RAB4A: variants seen among roughly 807,000 people sequenced by gnomAD.
RAB4A encodes the protein RAB4A, member RAS oncogene family, also known as ras-related protein Rab-4A.
A neutral mutation model predicts 34.5 loss-of-function variants in RAB4A; 20 were observed. That is an observed-to-expected ratio of 0.58 (90% CI 0.41 to 0.84). The LOEUF (loss-of-function observed/expected upper bound fraction) is 0.84. Among genes scored for constraint, RAB4A ranks in the 40% least tolerant of loss-of-function variants. The pLI, the probability that RAB4A is intolerant of heterozygous loss-of-function variation, is 0.00. For missense variants in RAB4A, 228 were observed against 274.5 expected, an observed-to-expected ratio of 0.83 and a Z score of 1.20; for synonymous variants, 102 against 100.0, an observed-to-expected ratio of 1.02 and a Z score of -0.12.
chr1:229,302,154 G>T (rs1571837751), intron 6 of RAB4A, among the ~76,000 whole-genome samples: 1 of 149,040 alleles, frequency 6.7e-6, no homozygotes. Flanking sequence ...TTTGGATAAG[G>T]ACCGCTCAAC....
intron 3 of RAB4A, among the ~76,000 whole-genome samples, chr1:229,293,378 G>T (rs533525105): frequency 2.0e-5 from 3 of 152,192 alleles, no homozygotes; most frequent in Non-Finnish European, 2.9e-5. Flanking sequence ...TCCTCACTCG[G>T]TGAGGGCTCC....
rs1216303272 is a variant in RAB4A at position 229,304,130 on chromosome 1, G to A, written c.*337G>A. On this transcript the variant is annotated 3_prime_UTR_variant, in exon 8 of 8. Transcript: ENST00000366690. ...TCTGATGTATGATATGATAGAATGT[G>A]GCACTAAATGCAGTTTCAGATTTTA... is the stretch of plus-strand genomic sequence containing the variant. 1 of 152,066 alleles carries A rather than the reference G, an allele frequency of 6.6e-6. No homozygotes were observed. Among genetic ancestry groups the A allele is most frequent in the Non-Finnish European group, 1.5e-5 (1 of 68,012 alleles). The allele number at this position is 152,066 out of a possible 1,614,324, so 9.4% of individuals were successfully genotyped here.
At chr1:229,274,219 AT>A (rs397864012) in intron 1 of RAB4A, among the ~76,000 whole-genome samples, 34,681 of 139,916 alleles carry the variant, frequency 0.25, 4,602 homozygotes, top group African/African-American at 0.38. Context: ...CACCTGGCTA[AT>A]TTTTTTTTTT....
chr1:229,296,087 G>C (rs1282194977), intron 4 of RAB4A, among the ~76,000 whole-genome samples, 177 bp downstream of exon 4: 1 of 152,216 alleles, frequency 6.6e-6, no homozygotes, highest in East Asian at 1.9e-4. Context: ...CTTTGAACGA[G>C]CCCCTACCAC....
chr1:229,290,224 G>A (rs901500633), intron 3 of RAB4A, among the ~76,000 whole-genome samples: 2 of 152,122 alleles, frequency 1.3e-5, no homozygotes, highest in African/African-American at 4.8e-5. Flanking sequence ...CGAAATAAGA[G>A]GTTCAGTCTT....
At chr1:229,297,851 A>G (rs1199661267) in intron 5 of RAB4A, among the ~76,000 whole-genome samples, 16 of 152,246 alleles carry the variant, frequency 1.1e-4, no homozygotes, top group Non-Finnish European at 8.8e-5. Context: ...ATAAAAGCAA[A>G]TGTAGTAACA....
chr1:229,271,910 C>T (rs916863510), intron 1 of RAB4A, among the ~76,000 whole-genome samples: 4 of 152,008 alleles, frequency 2.6e-5, no homozygotes, highest in South Asian at 2.1e-4. Context: ...GTTTATTTCT[C>T]CCTCCCTCTC....
At chr1:229,300,477 T>C (rs1407038595) in intron 6 of RAB4A, among the ~76,000 whole-genome samples, 1 of 152,184 alleles carries the variant, frequency 6.6e-6, no homozygotes. Flanking sequence ...ATTTAGGCAG[T>C]AGCATCTTAT....
chr1:229,305,153 TC>T lies in RAB4A; in HGVS notation c.*1361del. On this transcript the variant is annotated 3_prime_UTR_variant, in exon 8 of 8. Coordinates refer to ENST00000366690, the MANE Select transcript of RAB4A (RefSeq NM_004578.4). ...CTGGGAAATGACTAGGATAAAAATA[TC>T]AGTATGTATCTGTTTTAGATATTTT... 6.3e-7 allele frequency: 1 copy of T among 1,593,198 alleles called. No homozygotes were observed. The highest frequency in any genetic ancestry group is 1.2e-5 in the South Asian group (1 of 85,616).
At chr1:229,296,607 A>T (rs1657256049) in intron 4 of RAB4A, among the ~76,000 whole-genome samples, 1 of 152,236 alleles carries the variant, frequency 6.6e-6, no homozygotes, top group African/African-American at 2.4e-5. Flanking sequence ...CACATTCAGC[A>T]GTGCTGATCT....
intron 4 of RAB4A, among the ~76,000 whole-genome samples, chr1:229,297,107 C>T (rs569517359): frequency 6.6e-6 from 1 of 152,352 alleles, no homozygotes; most frequent in East Asian, 1.9e-4. Context: ...AGTGCTGGCA[C>T]ATTGCAAGGA....
chr1:229,304,081 C>T lies in RAB4A; in HGVS notation c.*288C>T, dbSNP rs1448321093. On this transcript the variant is annotated 3_prime_UTR_variant, in exon 8 of 8. Transcript: ENST00000366690. ...CTATATGTACTGTATGTCCTGTAGC[C>T]CAGTGCGGCTCCACAGCATGGAATC... 6.6e-6 allele frequency: 1 copy of T among 152,034 alleles called. No individual in the cohort carries two copies. Among genetic ancestry groups the T allele is most frequent in the Non-Finnish European group, 1.5e-5 (1 of 68,016 alleles). 9.4% of individuals were successfully genotyped at this position (152,034 alleles called of 1,614,324 possible). A position where few individuals can be genotyped will look rare whatever the true frequency, so the allele number is the denominator to read the frequency against.
intron 2 of RAB4A, among the ~76,000 whole-genome samples, 163 bp from the exon 3 acceptor site, chr1:229,288,566 T>G (rs1656983741): frequency 6.6e-6 from 1 of 152,232 alleles, no homozygotes; most frequent in East Asian, 1.9e-4. Context: ...GTATTATCTT[T>G]AAAACTAAAT....
At chr1:229,298,937 C>T (rs1657311041) in intron 5 of RAB4A, 40 bp from the exon 6 acceptor site, 1 of 1,446,082 alleles carries the variant, frequency 6.9e-7, no homozygotes, top group Non-Finnish European at 9.6e-7. Context: ...TTATGATCAT[C>T]TTCTAAACAT....
At chr1:229,301,769 A>ATC (rs1175469095) in intron 6 of RAB4A, among the ~76,000 whole-genome samples, 1 of 152,126 alleles carries the variant, frequency 6.6e-6, no homozygotes, top group African/African-American at 2.4e-5. Flanking sequence ...TATAAAATGT[A>ATC]TCATATGATA....
In RAB4A at chr1:229,298,990, G is replaced by A. The variant is rs898257129; in HGVS notation, c.459G>A (p.Leu153=). 7 of 1,607,814 alleles carry A rather than the reference G, an allele frequency of 4.4e-6. No homozygotes were observed. The African/African-American group carries it at 8.1e-5, about 19-fold the overall frequency. Residue 153 remains leucine, a synonymous_variant, in exon 6 of 8, where the codon TTG becomes TTA. Coordinates refer to ENST00000366690, the MANE Select transcript of RAB4A (RefSeq NM_004578.4). ...TGTCCATTTTAGAGCTGATGTTTTTGGAAACAAGTGCGCTCACAGGGGAGA... is the reference window on the plus strand; with the variant it reads ...TGTCCATTTTAGAGCTGATGTTTTTAGAAACAAGTGCGCTCACAGGGGAGA... ...RFAQENELMF[L]ETSALTGENV...
chr1:229,272,382 G>C (rs1412720750), intron 1 of RAB4A, among the ~76,000 whole-genome samples: 1 of 152,138 alleles, frequency 6.6e-6, no homozygotes, highest in Non-Finnish European at 1.5e-5. Flanking sequence ...CTGTGGAATG[G>C]CATTAGGGAA....
chr1:229,303,085 TC>T, intron 7 of RAB4A, 96 bp downstream of exon 7: 2 of 853,782 alleles, frequency 2.3e-6, no homozygotes, highest in Non-Finnish European at 3.7e-6. Context: ...AAAGAGGGGA[TC>T]CCAGCCGGGT....
rs1289792557 is a variant in RAB4A, at chr1:229,302,867, C to G, written c.547C>G (p.Leu183Val). Residue 183 changes from leucine to valine, a missense_variant, in exon 7 of 8, where the codon CTG becomes GTG. Coordinates refer to ENST00000366690, the MANE Select transcript of RAB4A (RefSeq NM_004578.4). The part of the protein sequence containing the change: ...KILNKIESGE[L>V]DPERMGSGIQ... ...AAGACTTGCTTGGTCCTTAGGTGAG[C>G]TGGACCCAGAAAGAATGGGCTCAGG... The G allele has an allele frequency of 6.2e-7, 1 of 1,610,940 alleles. No individual in the cohort carries two copies.
Sources: gnomAD v4.1 joint callset for allele counts (sites outside exome capture counted in the v4.1 genomes callset) on GRCh38, gnomAD v4.1.1 for gene constraint, MANE v1.5 for transcripts, NCBI Gene and HGNC (gene_info 2026-07-23, HGNC 2026-07-21) for gene names.